Variants in DACH1 observed in about 807,000 individuals in gnomAD.
DACH1 encodes dachshund family transcription factor 1.
Under a neutral mutation model 54.2 loss-of-function variants are expected in DACH1, and 12 were observed. The ratio of observed to expected loss-of-function variants is 0.22; its 90% CI spans 0.14 to 0.36. DACH1 has a LOEUF of 0.36. DACH1 is among the 10% of genes least tolerant of loss of function. The pLI is 1.00. For synonymous variants in DACH1, 386 were observed against 366.2 expected (o/e 1.05, Z -0.62); for missense variants, 805 against 929.8 (o/e 0.87, Z 1.75).
At position 71,547,687 on chromosome 13, in the gene DACH1, CT is replaced by C. The variant is rs766613383; in HGVS notation, c.1570+9336del. ...TTCTATAGCAGGTGGGCAATATCTC[CT>C]TTAAAATACCTTCAAAATATCATCA... On this transcript the variant is annotated intron_variant, in intron 6 of 10. Transcript: ENST00000613252. 7.2e-4 allele frequency among the ~76,000 whole-genome samples: 110 copies of C among 152,182 alleles called. 1 individual carries two copies. The highest frequency in any genetic ancestry group is 6.8e-3 in the Middle Eastern group (2 of 294).
chr13:71,559,770 T>C, intron 5 of DACH1, 50 bp downstream of exon 5: 2 of 1,611,786 alleles, frequency 1.2e-6, no homozygotes, highest in Non-Finnish European at 1.7e-6. Flanking sequence ...AAAATCCAGC[T>C]GAACCCTAAT....
At chr13:71,458,348 C>A (rs1875770443) in intron 10 of DACH1, among the ~76,000 whole-genome samples, 1 of 151,798 alleles carries the variant, frequency 6.6e-6, no homozygotes, top group African/African-American at 2.4e-5. Context: ...AAGATCTAGA[C>A]TTACATATCT....
chr13:71,737,499 C>T (rs1884191018), intron 1 of DACH1, among the ~76,000 whole-genome samples: 1 of 152,094 alleles, frequency 6.6e-6, no homozygotes, highest in Non-Finnish European at 1.5e-5. Context: ...TTGATGAAGG[C>T]ATCTTTAAAA....
chr13:71,516,600 A>T (rs1168696860), intron 6 of DACH1, among the ~76,000 whole-genome samples: 1 of 151,906 alleles, frequency 6.6e-6, no homozygotes, highest in Non-Finnish European at 1.5e-5. Flanking sequence ...TTTATTTTTC[A>T]TTACATGAAA....
At chr13:71,808,412 C>T (rs1289222253) in intron 1 of DACH1, among the ~76,000 whole-genome samples, 1 of 152,076 alleles carries the variant, frequency 6.6e-6, no homozygotes, top group African/African-American at 2.4e-5. Context: ...TTCTACTACA[C>T]TTTTGCTATG....
intron 2 of DACH1, among the ~76,000 whole-genome samples, chr13:71,658,912 G>A (rs1187938974): frequency 6.6e-6 from 1 of 152,020 alleles, no homozygotes; most frequent in Non-Finnish European, 1.5e-5. Flanking sequence ...TTCAAATTCA[G>A]AACATATTTC....
chr13:71,572,794 G>T, intron 4 of DACH1, 46 bp downstream of exon 4: 1 of 1,567,642 alleles, frequency 6.4e-7, no homozygotes, highest in Non-Finnish European at 8.7e-7. Context: ...AAGGGATGGT[G>T]GCTTAAGATG....
chr13:71,565,997 T>C (rs764031068), intron 4 of DACH1, among the ~76,000 whole-genome samples: 18 of 152,282 alleles, frequency 1.2e-4, no homozygotes, highest in Non-Finnish European at 1.9e-4. Flanking sequence ...AGGTAGGACT[T>C]CTTTCTTTAC....
At chr13:71,550,832 C>T (rs1450233824) in intron 6 of DACH1, among the ~76,000 whole-genome samples, 1 of 151,944 alleles carries the variant, frequency 6.6e-6, no homozygotes, top group Non-Finnish European at 1.5e-5. Flanking sequence ...GGCATGGAAA[C>T]TGAGGAGGAA....
chr13:71,573,455 A>T (rs933639410), intron 3 of DACH1: 1 of 716,650 alleles, frequency 1.4e-6, no homozygotes, highest in African/African-American at 1.7e-5. Context: ...GATGGTTGAG[A>T]GGATGACTAA....
chr13:71,530,469 T>C (rs1313328423), intron 6 of DACH1, among the ~76,000 whole-genome samples: 1 of 152,158 alleles, frequency 6.6e-6, no homozygotes, highest in East Asian at 1.9e-4. Flanking sequence ...AAAAAAGTTA[T>C]TTGAACTTTT....
At chr13:71,771,460 A>G (rs1409178254) in intron 1 of DACH1, among the ~76,000 whole-genome samples, 1 of 151,564 alleles carries the variant, frequency 6.6e-6, no homozygotes, top group Non-Finnish European at 1.5e-5. Context: ...AATGCAAATC[A>G]GTATGTCAAT....
chr13:71,549,844 C>A (rs1174916077), intron 6 of DACH1, among the ~76,000 whole-genome samples: 2 of 152,114 alleles, frequency 1.3e-5, no homozygotes, highest in Admixed American at 1.3e-4. Flanking sequence ...CTAATACCCA[C>A]TATCACCTGT....
chr13:71,684,681 T>G (rs1052238832), intron 1 of DACH1, among the ~76,000 whole-genome samples: 4 of 152,196 alleles, frequency 2.6e-5, no homozygotes, highest in Non-Finnish European at 5.9e-5. Flanking sequence ...TCGGATTATT[T>G]GCTTATCTCC....
At chr13:71,531,356 T>C (rs1882401172) in intron 6 of DACH1, among the ~76,000 whole-genome samples, 1 of 145,820 alleles carries the variant, frequency 6.9e-6, no homozygotes, top group South Asian at 2.2e-4. Context: ...AAGAAAGGTC[T>C]AAGGAGGTCT....
Position 71,516,930 on chromosome 13 carries a change from T to TTATATA in DACH1, c.1571-27788_1571-27783dup, listed in dbSNP as rs10659851. 3.2e-4 allele frequency among the ~76,000 whole-genome samples: 48 copies of TTATATA among 147,970 alleles called. No individual in the cohort carries two copies. In the East Asian group the frequency reaches 3.6e-3, roughly 11 times the overall value. ...TATGCACACACATATATTTTTATGT[T>TTATATA]TATATATATATATATGATTTGAGAC... On this transcript the variant is annotated intron_variant, in intron 6 of 10. Transcript: ENST00000613252.
intron 3 of DACH1, among the ~76,000 whole-genome samples, chr13:71,617,007 G>A (rs955891849): frequency 3.3e-5 from 5 of 151,244 alleles, no homozygotes; most frequent in African/African-American, 7.3e-5. Flanking sequence ...TCAGCCTCCC[G>A]AGTAGCTGGG....
At chr13:71,455,866 T>C (rs547515398) in intron 10 of DACH1, among the ~76,000 whole-genome samples, 1 of 152,150 alleles carries the variant, frequency 6.6e-6, no homozygotes, top group Non-Finnish European at 1.5e-5. Flanking sequence ...TTGTTTATCA[T>C]ACTTCATATT....
intron 6 of DACH1, among the ~76,000 whole-genome samples, chr13:71,492,827 C>T (rs1471202315): frequency 1.3e-5 from 2 of 151,338 alleles, no homozygotes; most frequent in Admixed American, 6.6e-5. Context: ...CCCAATTAAG[C>T]CTTAAGATTT....
Sources: gnomAD v4.1 joint callset for allele counts (sites outside exome capture counted in the v4.1 genomes callset) on GRCh38, gnomAD v4.1.1 for gene constraint, MANE v1.5 for transcripts, NCBI Gene and HGNC (gene_info 2026-07-23, HGNC 2026-07-21) for gene names.